MACO1: variants seen among roughly 807,000 people sequenced by gnomAD.
MACO1 encodes the protein macoilin.
In MACO1, 14 loss-of-function variants were observed where a neutral mutation model predicts 78.7. That is an observed-to-expected ratio of 0.18 (90% CI 0.12 to 0.28). The LOEUF (loss-of-function observed/expected upper bound fraction) is 0.28. Ranked by LOEUF, MACO1 falls within the 10% of genes least tolerant of loss-of-function variation. The pLI is 1.00. For synonymous variants in MACO1, 288 were observed against 291.6 expected, an observed-to-expected ratio of 0.99 and a Z score of 0.12; for missense variants, 501 against 799.0, an observed-to-expected ratio of 0.63 and a Z score of 4.50.
chr1:25,483,626 G>A (rs2043401005), intron 6 of MACO1, among the ~76,000 whole-genome samples: 1 of 152,210 alleles, frequency 6.6e-6, no homozygotes, highest in Non-Finnish European at 1.5e-5. Context: ...TGCAATTTCT[G>A]GAGGTCGTCG....
intron 6 of MACO1, among the ~76,000 whole-genome samples, chr1:25,471,431 A>G (rs1399753562): frequency 6.6e-6 from 1 of 152,112 alleles, no homozygotes; most frequent in Non-Finnish European, 1.5e-5. Flanking sequence ...CAGATGGTCA[A>G]TTGTAGTTGG....
chr1:25,462,494 G>GT (rs1262072215), intron 6 of MACO1, among the ~76,000 whole-genome samples: 3 of 152,024 alleles, frequency 2.0e-5, no homozygotes, highest in Non-Finnish European at 4.4e-5. Context: ...TGTTGTTCCA[G>GT]TCTTTCTGTC....
At chr1:25,448,282 G>T (rs1186081602) in intron 2 of MACO1, among the ~76,000 whole-genome samples, 3 of 152,112 alleles carry the variant, frequency 2.0e-5, no homozygotes, top group African/African-American at 7.2e-5. Context: ...AGCTAACATG[G>T]TGAAACCCTG....
intron 8 of MACO1, among the ~76,000 whole-genome samples, chr1:25,487,063 G>C (rs1297900742): frequency 6.6e-6 from 1 of 152,138 alleles, no homozygotes; most frequent in Non-Finnish European, 1.5e-5. Flanking sequence ...GAATCAGTAA[G>C]TTGATTTCAG....
At chr1:25,437,538 A>T (rs1296260258) in intron 1 of MACO1, among the ~76,000 whole-genome samples, 1 of 152,096 alleles carries the variant, frequency 6.6e-6, no homozygotes, top group Non-Finnish European at 1.5e-5. Context: ...TTGAACATTA[A>T]AGAGAATGAA....
intron 6 of MACO1, among the ~76,000 whole-genome samples, chr1:25,472,282 G>T (rs1246710682): frequency 6.6e-6 from 1 of 152,036 alleles, no homozygotes; most frequent in Non-Finnish European, 1.5e-5. Context: ...TGTTACACAG[G>T]TACATACATG....
chr1:25,483,700 A>C (rs1038172894), intron 6 of MACO1, among the ~76,000 whole-genome samples: 5 of 152,212 alleles, frequency 3.3e-5, no homozygotes, highest in African/African-American at 1.2e-4. Context: ...TGATTTATCA[A>C]AATATCACAA....
chr1:25,436,946 CCTTCT>C (rs2042923954), intron 1 of MACO1, among the ~76,000 whole-genome samples: 1 of 152,052 alleles, frequency 6.6e-6, no homozygotes, highest in African/African-American at 2.4e-5. Context: ...TCCTCTGTTG[CCTTCT>C]CTTTTTCAGA....
chr1:25,498,684 G>A lies in MACO1; in HGVS notation c.*218G>A. ...TTAGAAGACCTCACAGAACTTTACA[G>A]TTTATTTTTCTCGGCCAACACATTA... On this transcript the variant is annotated 3_prime_UTR_variant, in exon 11 of 11. Transcript: ENST00000374343. 1 of 445,448 alleles carries A rather than the reference G, an allele frequency of 2.2e-6. No individual in the cohort carries two copies. The highest frequency in any genetic ancestry group is 3.9e-6 in the Non-Finnish European group (1 of 257,342). 27.6% of individuals were successfully genotyped at this position (445,448 alleles called of 1,614,324 possible).
At chr1:25,480,931 T>A (rs545531060) in intron 6 of MACO1, among the ~76,000 whole-genome samples, 2,623 of 32,114 alleles carry the variant, frequency 0.082, 539 homozygotes, top group East Asian at 0.23. Context: ...AAAAAAAAAA[T>A]ATATATATAT....
intron 6 of MACO1, among the ~76,000 whole-genome samples, chr1:25,477,981 C>T (rs2043338001): frequency 6.6e-6 from 1 of 152,232 alleles, no homozygotes; most frequent in Non-Finnish European, 1.5e-5. Flanking sequence ...CGTGGTGGCT[C>T]AGGCCTGTAA....
chr1:25,434,283 C>T (rs1024797847), intron 1 of MACO1, among the ~76,000 whole-genome samples: 1 of 152,058 alleles, frequency 6.6e-6, no homozygotes, highest in Non-Finnish European at 1.5e-5. Flanking sequence ...GGCTAAAGTT[C>T]GATGTAGTTT....
chr1:25,470,870 A>T (rs1043583288), intron 6 of MACO1, among the ~76,000 whole-genome samples: 3 of 151,914 alleles, frequency 2.0e-5, no homozygotes, highest in Admixed American at 6.6e-5. Flanking sequence ...TCTACTAAAA[A>T]TATAAAAATT....
intron 10 of MACO1, among the ~76,000 whole-genome samples, chr1:25,497,589 G>A (rs2043548916): frequency 6.6e-6 from 1 of 152,158 alleles, no homozygotes; most frequent in Non-Finnish European, 1.5e-5. Flanking sequence ...CAAGTGTGCT[G>A]GAAGGCTAAA....
At chr1:25,453,715 G>C (rs1270343819) in intron 3 of MACO1, among the ~76,000 whole-genome samples, 1 of 145,816 alleles carries the variant, frequency 6.9e-6, no homozygotes, top group African/African-American at 2.5e-5. Context: ...AAAGGTACAA[G>C]TATTTAAATT....
chr1:25,480,495 A>G (rs1465061396), intron 6 of MACO1, among the ~76,000 whole-genome samples: 2 of 152,228 alleles, frequency 1.3e-5, no homozygotes, highest in Admixed American at 6.5e-5. Context: ...ACATATATAC[A>G]CACCAGTGCA....
At chr1:25,471,964 T>C (rs2043275430) in intron 6 of MACO1, among the ~76,000 whole-genome samples, 1 of 152,204 alleles carries the variant, frequency 6.6e-6, no homozygotes, top group African/African-American at 2.4e-5. Flanking sequence ...AAAAGTCCTC[T>C]GAGACACTGT....
In MACO1 at chr1:25,458,570, C is replaced by G; in HGVS notation, c.832C>G (p.Pro278Ala). 1.2e-6 allele frequency: 2 copies of G among 1,613,636 alleles called. No homozygotes were observed. The highest frequency in any genetic ancestry group is 1.7e-6 in the Non-Finnish European group (2 of 1,179,826). ...AATAAATAACAACAATATTCTACAA[C>G]CTGTAGACTCTAAAATACAAGAGAT... ...LGINNNNILQ[P>A]VDSKIQEIEY... The change falls in exon 6 of 11, where the codon CCT (proline) becomes GCT (alanine). Residue 278 changes from proline (P) to alanine (A), a missense_variant. This residue lies in a region of MACO1 where 90 missense variants were observed against 85.7 expected (regional missense o/e 1.05). Transcript: ENST00000374343.
chr1:25,467,918 C>A (rs1035144082), intron 6 of MACO1, among the ~76,000 whole-genome samples: 1 of 151,978 alleles, frequency 6.6e-6, no homozygotes, highest in Non-Finnish European at 1.5e-5. Flanking sequence ...ACTTCTGGAA[C>A]CCTTTCTGTT....
Sources: allele counts gnomAD v4.1 joint callset (sites outside exome capture counted in the v4.1 genomes callset), GRCh38; gene constraint gnomAD v4.1.1; regional missense constraint gnomAD v4.1.1; transcripts MANE v1.5; gene names NCBI Gene and HGNC (gene_info 2026-07-23, HGNC 2026-07-21).